TLE4: variants seen among roughly 807,000 people sequenced by gnomAD.
TLE4 encodes transducin-like enhancer protein 4.
Under a neutral mutation model 92.8 loss-of-function variants are expected in TLE4, and 8 were observed. That is an observed-to-expected ratio of 0.09 (90% confidence interval 0.05 to 0.16). TLE4 has a LOEUF of 0.16. TLE4 is among the 10% of genes least tolerant of loss of function. The pLI is 1.00. For missense variants in TLE4, 675 were observed against 997.6 expected, an observed-to-expected ratio of 0.68 and a Z score of 4.36; for synonymous variants, 371 against 374.1, an observed-to-expected ratio of 0.99 and a Z score of 0.10.
chr9:79,574,814 A>T, intron 2 of TLE4, 59 bp from the exon 3 acceptor site: 1 of 1,398,856 alleles, frequency 7.1e-7, no homozygotes, highest in Non-Finnish European at 1.0e-6. Flanking sequence ...ATATGCGTTT[A>T]AGAGTTGAAG....
chr9:79,686,204 G>T (rs912232499), intron 8 of TLE4, among the ~76,000 whole-genome samples: 5 of 152,154 alleles, frequency 3.3e-5, no homozygotes, highest in African/African-American at 4.8e-5. Flanking sequence ...AGGGGAGAGG[G>T]AGGAGTGTCC....
intron 6 of TLE4, among the ~76,000 whole-genome samples, chr9:79,630,462 G>T (rs1028281540): frequency 5.3e-5 from 8 of 152,102 alleles, no homozygotes; most frequent in Non-Finnish European, 1.2e-4. Flanking sequence ...TTCCTGTGTT[G>T]GTTTCCCATC....
At chr9:79,716,493 G>A (rs896542469) in intron 14 of TLE4, among the ~76,000 whole-genome samples, 2 of 152,156 alleles carry the variant, frequency 1.3e-5, no homozygotes, top group South Asian at 4.1e-4. Context: ...TTCCTCTCTA[G>A]GATGTAGACT....
At chr9:79,591,927 C>T (rs1053999275) in intron 4 of TLE4, among the ~76,000 whole-genome samples, 4 of 152,128 alleles carry the variant, frequency 2.6e-5, no homozygotes, top group African/African-American at 7.2e-5. Flanking sequence ...CTTTTGCTTT[C>T]GTTCATCACC....
chr9:79,689,410 A>G (rs750116840), intron 8 of TLE4, among the ~76,000 whole-genome samples: 10 of 151,960 alleles, frequency 6.6e-5, no homozygotes, highest in Non-Finnish European at 1.5e-4. Flanking sequence ...GACCTTGGCG[A>G]TGAGTATCCT....
chr9:79,720,419 T>TAAA, intron 16 of TLE4, 126 bp downstream of exon 16: 4 of 1,124,654 alleles, frequency 3.6e-6, no homozygotes, highest in Non-Finnish European at 4.7e-6. Flanking sequence ...TGTGTGTGTG[T>TAAA]GTGTGTAAAG....
intron 8 of TLE4, among the ~76,000 whole-genome samples, chr9:79,690,896 G>A (rs758242855): frequency 4.1e-5 from 6 of 145,836 alleles, no homozygotes; most frequent in Non-Finnish European, 7.5e-5. Flanking sequence ...TCAGCCTCCC[G>A]AAGCAATGAG....
rs2036719951 is a variant in TLE4 at position 79,573,783 on chromosome 9, A to G, written c.140A>G (p.His47Arg). 1 of 1,587,740 alleles carries G rather than the reference A, an allele frequency of 6.3e-7. No homozygotes were observed. Among genetic ancestry groups the G allele is most frequent in the Non-Finnish European group, 8.6e-7 (1 of 1,160,618 alleles). ...EEFQFLQAQY[H>R]SLKLECEKLA... ...TTTCAGTTTTTACAGGCTCAATACC[A>G]CAGGTAACGATATTGACTTTAGCTG... The change falls in exon 2 of 20, where the codon CAC becomes CGC. Residue 47 changes from histidine (H) to arginine (R), a missense_variant. His to Arg is a conservative substitution (Grantham distance 29). Transcript: ENST00000376552.
chr9:79,572,943 C>A, intron 1 of TLE4, 108 bp downstream of exon 1: 1 of 1,209,782 alleles, frequency 8.3e-7, no homozygotes, highest in Non-Finnish European at 1.1e-6. Flanking sequence ...GGAGAGCCGC[C>A]CGAAATCGGC....
intron 6 of TLE4, among the ~76,000 whole-genome samples, chr9:79,634,964 A>T (rs567032954): frequency 6.6e-6 from 1 of 152,314 alleles, no homozygotes; most frequent in South Asian, 2.1e-4. Context: ...AATGTAAGTT[A>T]TATCTTTTGG....
intron 16 of TLE4, among the ~76,000 whole-genome samples, chr9:79,720,831 A>G (rs1239799691): frequency 2.0e-5 from 3 of 152,086 alleles, no homozygotes; most frequent in South Asian, 2.1e-4. Context: ...ATTGGGTGCA[A>G]CTCACTCTGA....
rs2036439547 is a variant in TLE4 at position 79,573,283 on chromosome 9, G to A, written c.46-406G>A. On this transcript the variant is annotated intron_variant, in intron 1 of 19. Transcript: ENST00000376552. ...GAGCGGGCGAACGAACGAGCCGAGA[G>A]GGTGGCGGCCGCCTCCCTCCTCCCC... The A allele has an allele frequency of 4.9e-6, 5 of 1,030,752 alleles. No homozygotes were observed. The South Asian group carries it at 1.4e-4, about 30-fold the overall frequency. 63.9% of individuals were successfully genotyped at this position (1,030,752 alleles called of 1,614,324 possible).
At chr9:79,713,653 T>C (rs1324451543) in intron 14 of TLE4, among the ~76,000 whole-genome samples, 1 of 152,170 alleles carries the variant, frequency 6.6e-6, no homozygotes, top group Non-Finnish European at 1.5e-5. Context: ...CAGTTTGCCC[T>C]TTTTTTGTTA....
At chr9:79,600,949 C>T (rs1000484999) in intron 4 of TLE4, among the ~76,000 whole-genome samples, 2 of 151,996 alleles carry the variant, frequency 1.3e-5, no homozygotes, top group Admixed American at 6.6e-5. Flanking sequence ...TTGGTTCACT[C>T]GAGATAACAT....
intron 19 of TLE4, among the ~76,000 whole-genome samples, chr9:79,724,669 C>A: frequency 6.6e-6 from 1 of 151,648 alleles, no homozygotes; most frequent in East Asian, 1.9e-4. Flanking sequence ...CTTAGTGAGA[C>A]CCTCTCTCTA....
intron 4 of TLE4, among the ~76,000 whole-genome samples, chr9:79,583,786 A>G (rs2040337323): frequency 6.6e-6 from 1 of 152,230 alleles, no homozygotes; most frequent in South Asian, 2.1e-4. Context: ...TATAAGCACT[A>G]GTACTCTGTA....
chr9:79,704,731 G>T, intron 8 of TLE4, 52 bp from the exon 9 acceptor site: 2 of 1,577,772 alleles, frequency 1.3e-6, no homozygotes, highest in South Asian at 2.3e-5. Flanking sequence ...AAAATCACTC[G>T]GCTAAATAGA....
At chr9:79,623,102 G>T (rs2051458355) in intron 5 of TLE4, among the ~76,000 whole-genome samples, 1 of 151,946 alleles carries the variant, frequency 6.6e-6, no homozygotes, top group South Asian at 2.1e-4. Flanking sequence ...AGAATATACT[G>T]AACCTACAGG....
At chr9:79,625,488 G>C (rs2052372111) in intron 5 of TLE4, among the ~76,000 whole-genome samples, 1 of 151,930 alleles carries the variant, frequency 6.6e-6, no homozygotes, top group African/African-American at 2.4e-5. Context: ...TGTCCTTCCG[G>C]TGTCTACACT....
Sources: allele counts gnomAD v4.1 joint callset (sites outside exome capture counted in the v4.1 genomes callset), GRCh38; gene constraint gnomAD v4.1.1; transcripts MANE v1.5; gene names NCBI Gene and HGNC (gene_info 2026-07-23, HGNC 2026-07-21).